TSPAN1: variants seen among roughly 807,000 people sequenced by gnomAD.
TSPAN1 encodes the protein tetraspanin 1.
Under a neutral mutation model 26.9 loss-of-function variants are expected in TSPAN1, and 23 were observed. The ratio of observed to expected loss-of-function variants is 0.85; its 90% CI spans 0.62 to 1.21. The LOEUF is 1.21. Among genes scored for constraint, TSPAN1 ranks in the 50% most tolerant of loss-of-function variants. TSPAN1 has a pLI of 0.00. For missense variants in TSPAN1, 283 were observed against 298.4 expected, an observed-to-expected ratio of 0.95 and a Z score of 0.38; for synonymous variants, 115 against 114.8, an observed-to-expected ratio of 1.00 and a Z score of -0.01.
chr1:46,193,011 T>C, the TSPAN1 span: 2 of 1,609,516 alleles, frequency 1.2e-6, no homozygotes, highest in East Asian at 2.2e-5. Flanking sequence ...CATCCTGTGA[T>C]CTCCTTTGCC....
intron 1 of TSPAN1, among the ~76,000 whole-genome samples, chr1:46,179,678 A>T (rs186049273): frequency 3.8e-4 from 58 of 152,268 alleles, no homozygotes; most frequent in South Asian, 3.3e-3. Context: ...GGGATCACAG[A>T]GCCTTGGAAC....
chr1:46,195,060 C>T, the TSPAN1 span: 4 of 1,028,648 alleles, frequency 3.9e-6, no homozygotes, highest in Admixed American at 6.8e-5. Context: ...CTTAAAATAG[C>T]TCATTACATT....
the TSPAN1 span, chr1:46,191,932 C>A: frequency 1.7e-6 from 2 of 1,180,094 alleles, no homozygotes; most frequent in Non-Finnish European, 2.4e-6. Context: ...CCGCGCCCAG[C>A]CCTTTATCCT....
At position 46,185,607 on chromosome 1, in the gene TSPAN1, T is replaced by C; in HGVS notation, c.*74T>C. 6.5e-7 allele frequency: 1 copy of C among 1,529,712 alleles called. No individual in the cohort carries two copies. Among genetic ancestry groups the C allele is most frequent in the Non-Finnish European group, 9.0e-7 (1 of 1,107,590 alleles). 94.8% of individuals were successfully genotyped at this position (1,529,712 alleles called of 1,614,324 possible). A position where few individuals can be genotyped will look rare whatever the true frequency, so the allele number is the denominator to read the frequency against. On this transcript the variant is annotated 3_prime_UTR_variant, in exon 9 of 9. Transcript: ENST00000372003. ...AGGCACCCTGGCAAGCAGCAGTGATTGGGGGAGGGGACAGGATCTAACAAT... is the reference window on the plus strand; with the variant it reads ...AGGCACCCTGGCAAGCAGCAGTGATCGGGGGAGGGGACAGGATCTAACAAT...
downstream of TSPAN1, chr1:46,188,567 T>C (rs1002117796): frequency 7.3e-7 from 1 of 1,362,250 alleles, no homozygotes; most frequent in Middle Eastern, 2.7e-4. Context: ...TGGCCCCAAA[T>C]GGAAGATAAA....
At chr1:46,177,752 G>A (rs573564028) in intron 1 of TSPAN1, among the ~76,000 whole-genome samples, 3 of 152,322 alleles carry the variant, frequency 2.0e-5, no homozygotes, top group African/African-American at 7.2e-5. Flanking sequence ...GTCCATGAAT[G>A]ACTGCAAAAG....
Position 46,185,569 on chromosome 1 carries a change from G to A in TSPAN1, c.*36G>A. The A allele has an allele frequency of 6.2e-7, 1 of 1,612,286 alleles. No individual in the cohort carries two copies. The highest frequency in any genetic ancestry group is 8.5e-7 in the Non-Finnish European group (1 of 1,178,638). ...GCCTCTGCCACTACTGCTGCCACAT[G>A]GGAACTGTGAAGAGGCACCCTGGCA... On this transcript the variant is annotated 3_prime_UTR_variant, in exon 9 of 9. Coordinates refer to ENST00000372003, the MANE Select transcript of TSPAN1 (RefSeq NM_005727.4).
chr1:46,195,449 C>T, the TSPAN1 span: 1 of 379,552 alleles, frequency 2.6e-6, no homozygotes, highest in Non-Finnish European at 5.1e-6. Context: ...GTCCCCTCCC[C>T]TCTATCATTC....
In TSPAN1 at chr1:46,185,640, G is replaced by GGTCCATTCT; in HGVS notation, c.*108_*109insTCCATTCTG. 1 of 1,299,556 alleles carries GGTCCATTCT rather than the reference G, an allele frequency of 7.7e-7. No individual in the cohort carries two copies. Among genetic ancestry groups the GGTCCATTCT allele is most frequent in the Non-Finnish European group, 1.1e-6 (1 of 914,046 alleles). The allele number at this position is 1,299,556 out of a possible 1,614,324, so 80.5% of individuals were successfully genotyped here. A position where few individuals can be genotyped will look rare whatever the true frequency, so the allele number is the denominator to read the frequency against. On this transcript the variant is annotated 3_prime_UTR_variant, in exon 9 of 9. Coordinates refer to ENST00000372003, the MANE Select transcript of TSPAN1 (RefSeq NM_005727.4). Reference sequence around the variant, plus strand: ...GGGACAGGATCTAACAATGTCACTTGGGCCAGAATGGACCTGCCCTTTCTG... The same window carrying GGTCCATTCT: ...GGGACAGGATCTAACAATGTCACTTGGTCCATTCTGGCCAGAATGGACCTGCCCTTTCTG...
Position 46,182,878 on chromosome 1 carries a change from G to A in TSPAN1, c.58-1313G>A, listed in dbSNP as rs149671188. On this transcript the variant is annotated intron_variant, in intron 3 of 8. Transcript: ENST00000372003. ...AGCTGGAGTGCAGTGGCATGATCAT[G>A]GCTTACTGCAGCGTCAACCTCCTGG... 2.0e-3 allele frequency among the ~76,000 whole-genome samples: 301 copies of A among 152,182 alleles called. 2 individuals are homozygous for A. The highest frequency in any genetic ancestry group is 0.01 in the Middle Eastern group (3 of 294).
the TSPAN1 span, chr1:46,192,293 T>G: frequency 4.3e-6 from 7 of 1,614,048 alleles, no homozygotes; most frequent in Non-Finnish European, 5.9e-6. Flanking sequence ...CCCCTCACCC[T>G]ACCCTGACAG....
At chr1:46,195,999 C>T in the TSPAN1 span, 1 of 1,614,050 alleles carries the variant, frequency 6.2e-7, no homozygotes, top group Non-Finnish European at 8.5e-7. Context: ...GTCACCCACC[C>T]CTAGAAACTC....
chr1:46,194,691 A>G, the TSPAN1 span: 1 of 1,614,180 alleles, frequency 6.2e-7, no homozygotes, highest in South Asian at 1.1e-5. Context: ...GGGCCCAGAC[A>G]CCAGTTTGGG....
In TSPAN1 at chr1:46,185,027, C is replaced by G. The variant is rs780576618; in HGVS notation, c.506C>G (p.Ala169Gly). ...EDSPYFKENS[A>G]FPPFCCNDNV... ...TCACCCTACTTCAAAGAGAACAGTGCCTTTCCCCCATTCTGTTGCAATGAC... is the reference window on the plus strand; with the variant it reads ...TCACCCTACTTCAAAGAGAACAGTGGCTTTCCCCCATTCTGTTGCAATGAC... The change falls in exon 7 of 9, where the codon GCC (alanine) becomes GGC (glycine). Residue 169 changes from alanine (A) to glycine (G), a missense_variant. By Grantham distance (60) the Ala-to-Gly change is moderately conservative. Coordinates refer to ENST00000372003, the MANE Select transcript of TSPAN1 (RefSeq NM_005727.4). The G allele has an allele frequency of 1.9e-6, 3 of 1,614,150 alleles. No individual in the cohort carries two copies. In the Admixed American group the frequency reaches 5.0e-5, roughly 27 times the overall value.
downstream of TSPAN1, chr1:46,190,625 G>C: frequency 6.5e-7 from 1 of 1,532,600 alleles, no homozygotes; most frequent in Non-Finnish European, 9.0e-7. Flanking sequence ...CGCAGGGCTG[G>C]AGTAAACACA....
intron 8 of TSPAN1, 83 bp from the exon 9 acceptor site, chr1:46,185,403 T>C (rs759737572): frequency 1.8e-5 from 29 of 1,607,386 alleles, no homozygotes; most frequent in Non-Finnish European, 2.3e-5. Context: ...GACTTCTAAC[T>C]GGGCCTCAGG....
At chr1:46,192,685 C>T in the TSPAN1 span, 15 of 1,600,820 alleles carry the variant, frequency 9.4e-6, no homozygotes, top group Non-Finnish European at 1.3e-5. Flanking sequence ...CTCAGGAGCA[C>T]CTCCTTCCTG....
In TSPAN1 at chr1:46,185,085, C is replaced by A. The variant is rs1416172051; in HGVS notation, c.564C>A (p.Thr188=). The A allele has an allele frequency of 2.5e-6, 4 of 1,614,048 alleles. No homozygotes were observed. In the African/African-American group the frequency reaches 5.3e-5, roughly 22 times the overall value. ...NVTNTANETC[T]KQKAHDQKVE... is the part of the protein sequence containing the mutation. ...CCAACACAGCCAATGAAACCTGCACCAAGCAAAAGGCTCACGACCAAAAAG... is the reference window on the plus strand; with the variant it reads ...CCAACACAGCCAATGAAACCTGCACAAAGCAAAAGGCTCACGACCAAAAAG... Residue 188 remains threonine (T), a synonymous_variant, in exon 7 of 9, where the codon ACC becomes ACA. Transcript: ENST00000372003.
At chr1:46,182,331 A>G (rs1249223317) in intron 3 of TSPAN1, among the ~76,000 whole-genome samples, 1 of 148,736 alleles carries the variant, frequency 6.7e-6, no homozygotes, top group African/African-American at 2.5e-5. Context: ...ACTGTGAAGG[A>G]GATGGAGAAG....
Sources: gnomAD v4.1 joint callset for allele counts (sites outside exome capture counted in the v4.1 genomes callset) on GRCh38, gnomAD v4.1.1 for gene constraint, MANE v1.5 for transcripts, NCBI Gene and HGNC (gene_info 2026-07-23, HGNC 2026-07-21) for gene names.